ANGPT4: variants seen among roughly 807,000 people sequenced by gnomAD.
The protein encoded by ANGPT4 is angiopoietin-4.
ANGPT4 carries 50 observed loss-of-function variants against 53.0 expected under a neutral mutation model. The observed-to-expected ratio is 0.94, with a 90% CI of 0.75 to 1.20. ANGPT4 has a LOEUF of 1.20. Ranked by LOEUF, ANGPT4 falls within the 50% of genes most tolerant of loss-of-function variation. The probability of loss-of-function intolerance (pLI) is 0.00; values close to 1 mark genes in which losing one functional copy is unlikely to be tolerated. For synonymous variants in ANGPT4, 251 were observed against 259.7 expected (o/e 0.97, Z 0.32); for missense variants, 648 against 637.1 (o/e 1.02, Z -0.18).
chr20:912,751 A>G (rs942460089), intron 1 of ANGPT4, among the ~76,000 whole-genome samples: 42 of 152,278 alleles, frequency 2.8e-4, no homozygotes, highest in African/African-American at 8.7e-4. Flanking sequence ...CACTGGCAGT[A>G]GGACACAGCA....
intron 1 of ANGPT4, among the ~76,000 whole-genome samples, chr20:909,126 G>A (rs531225233): frequency 6.6e-6 from 1 of 152,064 alleles, no homozygotes; most frequent in East Asian, 1.9e-4. Context: ...AAACTCCCTG[G>A]GCCTCCGTTT....
At chr20:892,266 G>A (rs542211194) in intron 1 of ANGPT4, among the ~76,000 whole-genome samples, 22 of 151,948 alleles carry the variant, frequency 1.4e-4, no homozygotes, top group East Asian at 3.9e-4. Context: ...ACAACATAAC[G>A]TTAATAATAA....
chr20:876,615 C>G (rs1286212467), intron 7 of ANGPT4, among the ~76,000 whole-genome samples: 1 of 152,220 alleles, frequency 6.6e-6, no homozygotes, highest in East Asian at 1.9e-4. Flanking sequence ...GCCTAAAGCA[C>G]CCATTCTACA....
chr20:882,631 G>A (rs1277883477), intron 4 of ANGPT4, among the ~76,000 whole-genome samples: 1 of 152,142 alleles, frequency 6.6e-6, no homozygotes, highest in Non-Finnish European at 1.5e-5. Context: ...TCCCCACAGG[G>A]AATTGGAGTC....
At chr20:912,561 C>T (rs1381488955) in intron 1 of ANGPT4, among the ~76,000 whole-genome samples, 2 of 152,086 alleles carry the variant, frequency 1.3e-5, no homozygotes, top group African/African-American at 2.4e-5. Context: ...CAGGAGCTGG[C>T]TCCAGATGGG....
At chr20:876,230 T>G (rs969492561) in intron 7 of ANGPT4, among the ~76,000 whole-genome samples, 1 of 151,870 alleles carries the variant, frequency 6.6e-6, no homozygotes, top group Non-Finnish European at 1.5e-5. Flanking sequence ...AGGAAGCTCT[T>G]GTACCCTCAG....
chr20:890,461 A>C (rs1199241435), intron 1 of ANGPT4, 93 bp from the exon 2 acceptor site: 6 of 1,187,690 alleles, frequency 5.1e-6, no homozygotes, highest in South Asian at 1.5e-5. Context: ...CTGAGCAGCC[A>C]CTTGAGGCCT....
chr20:881,392 G>T, intron 4 of ANGPT4, 106 bp from the exon 5 acceptor site: 1 of 957,412 alleles, frequency 1.0e-6, no homozygotes. Context: ...GTTGGGAGGT[G>T]CTGGGGACAG....
intron 1 of ANGPT4, among the ~76,000 whole-genome samples, chr20:912,604 G>T (rs1982748188): frequency 1.3e-5 from 2 of 152,154 alleles, no homozygotes; most frequent in African/African-American, 4.8e-5. Context: ...CAGGAGCGAG[G>T]AGGAGGAGAG....
intron 1 of ANGPT4, among the ~76,000 whole-genome samples, chr20:907,913 C>T (rs561828727): frequency 2.6e-5 from 4 of 152,270 alleles, no homozygotes; most frequent in Non-Finnish European, 5.9e-5. Flanking sequence ...TTATTGGATC[C>T]CCAGCAGCCT....
chr20:885,126 C>A lies in ANGPT4; in HGVS notation c.787G>T (p.Val263Leu). 1 of 1,613,342 alleles carries A rather than the reference C, an allele frequency of 6.2e-7. No individual in the cohort carries two copies. Among genetic ancestry groups the A allele is most frequent in the Non-Finnish European group, 8.5e-7 (1 of 1,179,794 alleles). Residue 263 changes from valine (V) to leucine (L), a missense_variant, in exon 4 of 9, where the codon GTG becomes TTG. Physicochemically the swap from Val to Leu is conservative, Grantham distance 32. Coordinates refer to ENST00000381922, the MANE Select transcript of ANGPT4 (RefSeq NM_015985.4). ...DQQHSLRQLL[V>L]LLRHLVQERA... The stretch of plus-strand genomic sequence containing the variant: ...TCTTGCACCAGGTGCCGCAACAACA[C>A]CAGCAGCTGGCGCAGGCTGTGCTGC...
In ANGPT4 at chr20:874,337, A is replaced by G. The variant is rs746074484; in HGVS notation, c.1298T>C (p.Leu433Pro). The G allele has an allele frequency of 6.2e-7, 1 of 1,614,200 alleles. No homozygotes were observed. Among genetic ancestry groups the G allele is most frequent in the East Asian group, 2.2e-5 (1 of 44,874 alleles). ...GAGACAGTGGTCGTTGTCTGAGTCA[A>G]GGGTGCTAAAGCTGGTGTTCTGCAG... ...LVLQNTSFST[L>P]DSDNDHCLCK... The change falls in exon 8 of 9, where the codon CTT becomes CCT. Residue 433 changes from leucine (L) to proline (P), a missense_variant. Leu to Pro is a moderately conservative substitution (Grantham distance 98). Transcript: ENST00000381922.
At chr20:886,140 A>C (rs1387892863) in intron 3 of ANGPT4, among the ~76,000 whole-genome samples, 2 of 152,208 alleles carry the variant, frequency 1.3e-5, no homozygotes, top group African/African-American at 4.8e-5. Flanking sequence ...TGGATTTAGA[A>C]GCAAAGAGGA....
At chr20:903,483 G>A (rs773816639) in intron 1 of ANGPT4, among the ~76,000 whole-genome samples, 48 of 152,116 alleles carry the variant, frequency 3.2e-4, no homozygotes, top group Non-Finnish European at 6.2e-4. Context: ...ATTGCTCCCT[G>A]GGCCCCCAGG....
chr20:903,062 G>A (rs986809620), intron 1 of ANGPT4, among the ~76,000 whole-genome samples: 1 of 152,172 alleles, frequency 6.6e-6, no homozygotes, highest in African/African-American at 2.4e-5. Context: ...TCAAGGCGGG[G>A]GCTGGGCGGG....
At position 890,387 on chromosome 20, in the gene ANGPT4, T is replaced by C. The variant is rs779322497; in HGVS notation, c.310-19A>G. The C allele has an allele frequency of 5.2e-6, 7 of 1,340,558 alleles. No homozygotes were observed. In the African/African-American group the frequency reaches 8.8e-5, roughly 17 times the overall value. 83.0% of individuals were successfully genotyped at this position (1,340,558 alleles called of 1,614,324 possible). On this transcript the variant is annotated intron_variant, in intron 1 of 8. Coordinates refer to ENST00000381922, the MANE Select transcript of ANGPT4 (RefSeq NM_015985.4). ...TCTCTAGCTGTGGGAGACCATGGGC[T>C]GGGGTCACGGGGGAGGGGCGGGGGA... is the stretch of plus-strand genomic sequence containing the variant.
intron 1 of ANGPT4, among the ~76,000 whole-genome samples, chr20:898,067 C>T (rs751663876): frequency 2.6e-5 from 4 of 151,678 alleles, no homozygotes; most frequent in East Asian, 1.9e-4. Flanking sequence ...GCTCCCAAAG[C>T]GACTCATCCC....
rs1220833335 is a variant in ANGPT4, at chr20:908,334, T to C, written c.309+7572A>G. 6.6e-6 allele frequency among the ~76,000 whole-genome samples: 1 copy of C among 152,194 alleles called. No individual in the cohort carries two copies. The highest frequency in any genetic ancestry group is 1.5e-5 in the Non-Finnish European group (1 of 68,036). On this transcript the variant is annotated intron_variant, in intron 1 of 8. Coordinates refer to ENST00000381922, the MANE Select transcript of ANGPT4 (RefSeq NM_015985.4). The surrounding 1 kb of genome is among the most constrained non-coding windows in gnomAD (Gnocchi z 4.9). ...GCACTGTAGACACACTGAATGCCTT[T>C]TGCTTTTGGCCCATTCTACCCCCAG...
In ANGPT4 at chr20:870,657, G is replaced by T. The variant is rs904006117; in HGVS notation, c.*2303C>A. ...CCCACCCAGAGGAGTTCTGTCCCTG[G>T]GCCTCACAGCTTTGCCCTGTCTCCT... On this transcript the variant is annotated 3_prime_UTR_variant, in exon 9 of 9. Transcript: ENST00000381922. 6.6e-6 allele frequency: 1 copy of T among 152,200 alleles called. No homozygotes were observed. Among genetic ancestry groups the T allele is most frequent in the African/African-American group, 2.4e-5 (1 of 41,442 alleles). 9.4% of individuals were successfully genotyped at this position (152,200 alleles called of 1,614,324 possible).
Sources: allele counts gnomAD v4.1 joint callset (sites outside exome capture counted in the v4.1 genomes callset), GRCh38; gene constraint gnomAD v4.1.1; non-coding constraint Gnocchi (gnomAD v3.1); transcripts MANE v1.5; gene names NCBI Gene and HGNC (gene_info 2026-07-23, HGNC 2026-07-21).